Variants in COX10 observed in about 807,000 individuals in gnomAD.
COX10 encodes cytochrome c oxidase assembly factor heme A:farnesyltransferase COX10.
Under a neutral mutation model 37.3 loss-of-function variants are expected in COX10, and 27 were observed. The observed-to-expected ratio is 0.72, with a 90% CI of 0.53 to 1.00. The LOEUF (loss-of-function observed/expected upper bound fraction) is 1.00. COX10 is among the 50% of genes least tolerant of loss of function. COX10 has a pLI of 0.00. For missense variants in COX10, 475 were observed against 563.2 expected (o/e 0.84, Z 1.59); for synonymous variants, 222 against 229.1 (o/e 0.97, Z 0.28).
At chr17:14,083,940 A>G (rs1467405917) in intron 3 of COX10, among the ~76,000 whole-genome samples, 2 of 152,216 alleles carry the variant, frequency 1.3e-5, no homozygotes, top group African/African-American at 4.8e-5. Flanking sequence ...AAAAGCTGCA[A>G]CACGTTTTTT....
At chr17:14,130,084 T>G (rs1353369717) in intron 4 of COX10, among the ~76,000 whole-genome samples, 1 of 152,130 alleles carries the variant, frequency 6.6e-6, no homozygotes, top group Non-Finnish European at 1.5e-5. Flanking sequence ...CAACAAAAAT[T>G]AAGAATGTAA....
intron 4 of COX10, among the ~76,000 whole-genome samples, chr17:14,107,928 C>G (rs188785158): frequency 3.3e-5 from 5 of 152,250 alleles, no homozygotes; most frequent in Admixed American, 2.6e-4. Flanking sequence ...TAACTTCAAT[C>G]TGTTGGTCAT....
chr17:14,182,621 A>C (rs1027776654), intron 5 of COX10, among the ~76,000 whole-genome samples: 3 of 152,178 alleles, frequency 2.0e-5, no homozygotes, highest in African/African-American at 7.2e-5. Context: ...CCAAGCTCCA[A>C]TGTGGGATTT....
intron 5 of COX10, among the ~76,000 whole-genome samples, chr17:14,164,774 C>T (rs1279285020): frequency 6.6e-6 from 1 of 152,088 alleles, no homozygotes; most frequent in Non-Finnish European, 1.5e-5. Flanking sequence ...CATTATAGCT[C>T]AAAGATGTAT....
At chr17:14,181,094 A>G (rs1447296613) in intron 5 of COX10, among the ~76,000 whole-genome samples, 3 of 152,082 alleles carry the variant, frequency 2.0e-5, no homozygotes, top group African/African-American at 4.8e-5. Context: ...GGAAGGTGAG[A>G]ACGGAGAGAG....
intron 5 of COX10, among the ~76,000 whole-genome samples, chr17:14,166,877 G>A (rs1277644417): frequency 4.2e-5 from 6 of 143,736 alleles, no homozygotes; most frequent in African/African-American, 7.7e-5. Flanking sequence ...CTTGTGATCC[G>A]CCCTCCTCAG....
intron 3 of COX10, among the ~76,000 whole-genome samples, chr17:14,089,758 A>T (rs1489865703): frequency 2.6e-5 from 4 of 152,142 alleles, no homozygotes; most frequent in Non-Finnish European, 4.4e-5. Context: ...GCTTGTTATA[A>T]TGCAAATGTG....
intron 4 of COX10, among the ~76,000 whole-genome samples, chr17:14,113,535 G>T (rs1182489764): frequency 6.6e-6 from 1 of 152,120 alleles, no homozygotes; most frequent in African/African-American, 2.4e-5. Flanking sequence ...TTCATGTTGA[G>T]AAAGTGAAGC....
At chr17:14,166,864 G>A (rs1905304870) in intron 5 of COX10, among the ~76,000 whole-genome samples, 1 of 140,104 alleles carries the variant, frequency 7.1e-6, no homozygotes, top group Non-Finnish European at 1.5e-5. Flanking sequence ...TCGAACTCCT[G>A]ACCTTGTGAT....
chr17:14,125,954 G>A (rs1172751224), intron 4 of COX10, among the ~76,000 whole-genome samples: 1 of 152,116 alleles, frequency 6.6e-6, no homozygotes, highest in Non-Finnish European at 1.5e-5. Context: ...ACCTCTATTA[G>A]GAGCCAAAGC....
chr17:14,197,970 T>G (rs1906417775), intron 6 of COX10, among the ~76,000 whole-genome samples: 1 of 152,254 alleles, frequency 6.6e-6, no homozygotes, highest in Non-Finnish European at 1.5e-5. Context: ...CTCACCTGCC[T>G]AATTACCTTA....
intron 3 of COX10, among the ~76,000 whole-genome samples, chr17:14,078,651 T>A (rs1167451223): frequency 1.3e-5 from 2 of 152,174 alleles, no homozygotes; most frequent in Non-Finnish European, 2.9e-5. Context: ...AGCTTCTAAC[T>A]GTTCTTTCTT....
intron 2 of COX10, among the ~76,000 whole-genome samples, chr17:14,076,207 C>A (rs1037936301): frequency 7.5e-6 from 1 of 133,030 alleles, no homozygotes; most frequent in African/African-American, 2.8e-5. Context: ...TAGGCTCAAA[C>A]AATCCTGCCT....
intron 3 of COX10, among the ~76,000 whole-genome samples, chr17:14,082,188 T>C (rs1597493353): frequency 2.0e-5 from 3 of 152,190 alleles, no homozygotes; most frequent in East Asian, 3.9e-4. Context: ...TTGGGTAAGG[T>C]ATATAATGGA....
At chr17:14,193,928 AG>A (rs1280925180) in intron 6 of COX10, among the ~76,000 whole-genome samples, 2 of 151,920 alleles carry the variant, frequency 1.3e-5, no homozygotes, top group Non-Finnish European at 2.9e-5. Flanking sequence ...CCCTTCCTCA[AG>A]GGTGTAGCCC....
At chr17:14,100,630 T>C (rs1915755649) in intron 3 of COX10, among the ~76,000 whole-genome samples, 1 of 152,182 alleles carries the variant, frequency 6.6e-6, no homozygotes, top group Non-Finnish European at 1.5e-5. Context: ...GTCTCATGAA[T>C]GGATAATAGT....
chr17:14,194,496 G>A (rs1187681786), intron 6 of COX10, among the ~76,000 whole-genome samples: 2 of 152,044 alleles, frequency 1.3e-5, no homozygotes, highest in Non-Finnish European at 2.9e-5. Context: ...GTGCGATCTC[G>A]GCTCACTGCA....
chr17:14,082,147 C>G (rs1033591733), intron 3 of COX10, among the ~76,000 whole-genome samples: 1 of 151,978 alleles, frequency 6.6e-6, no homozygotes, highest in African/African-American at 2.4e-5. Flanking sequence ...TGATGGTCAC[C>G]AGAACTTTGG....
intron 3 of COX10, among the ~76,000 whole-genome samples, chr17:14,091,127 G>T (rs1915517948): frequency 6.6e-6 from 1 of 152,092 alleles, no homozygotes; most frequent in Non-Finnish European, 1.5e-5. Flanking sequence ...TAGTTACTTG[G>T]TCTGCTTTTC....
Sources: allele counts gnomAD v4.1 joint callset (sites outside exome capture counted in the v4.1 genomes callset), GRCh38; gene constraint gnomAD v4.1.1; transcripts MANE v1.5; gene names NCBI Gene and HGNC (gene_info 2026-07-23, HGNC 2026-07-21).